LRRC71: variants seen among roughly 807,000 people sequenced by gnomAD.
LRRC71 encodes the protein leucine-rich repeat-containing protein 71.
Under a neutral mutation model 66.6 loss-of-function variants are expected in LRRC71, and 54 were observed. The observed-to-expected ratio is 0.81, with a 90% confidence interval of 0.65 to 1.02. The LOEUF is 1.02. LRRC71 is among the 50% of genes least tolerant of loss of function. The probability of loss-of-function intolerance (pLI) is 0.00; values close to 1 mark genes in which losing one functional copy is unlikely to be tolerated. For synonymous variants in LRRC71, 323 were observed against 303.9 expected, an observed-to-expected ratio of 1.06 and a Z score of -0.65; for missense variants, 724 against 718.0, an observed-to-expected ratio of 1.01 and a Z score of -0.10.
chr1:156,924,613 C>T, intron 3 of LRRC71, 30 bp from the exon 4 acceptor site: 1 of 1,482,218 alleles, frequency 6.7e-7, no homozygotes, highest in Non-Finnish European at 9.1e-7. Context: ...CCTCCCAGGT[C>T]TGAGGCACCT....
At chr1:156,932,297 A>G in intron 13 of LRRC71, 127 bp from the exon 14 acceptor site, 1 of 752,590 alleles carries the variant, frequency 1.3e-6, no homozygotes, top group Non-Finnish European at 2.3e-6. Context: ...GGTCAGGGAA[A>G]GGTGTGCCTG....
chr1:156,931,275 C>T (rs1181725465), intron 12 of LRRC71, among the ~76,000 whole-genome samples: 2 of 152,178 alleles, frequency 1.3e-5, no homozygotes, highest in Non-Finnish European at 2.9e-5. Flanking sequence ...TCCCTGCACA[C>T]CCTAGGCAGG....
downstream of LRRC71, among the ~76,000 whole-genome samples, chr1:156,934,378 G>T (rs1557799984): frequency 6.6e-6 from 1 of 152,280 alleles, no homozygotes; most frequent in East Asian, 1.9e-4. Context: ...TCTGTGGGAG[G>T]ATGTGGATGG....
downstream of LRRC71, chr1:156,937,004 T>C (rs762165960): frequency 1.2e-6 from 2 of 1,611,846 alleles, no homozygotes; most frequent in Non-Finnish European, 1.7e-6. Flanking sequence ...CAGCTCCATA[T>C]CCTGGAAGAG....
In LRRC71 at chr1:156,927,816, G is replaced by A. The variant is rs771229529; in HGVS notation, c.906G>A (p.Glu302=). ...ACAAGGGCGCCCTGAAGCTGGCTGA[G>A]GTGGGTGTGCCGATCAGGTGGGGCA... ...IQDKGALKLA[E]VLRAFELTHT... Residue 302 remains glutamate, a splice_region_variant and synonymous_variant, in exon 8 of 15, where the codon GAG becomes GAA. Coordinates refer to ENST00000337428, the MANE Select transcript of LRRC71 (RefSeq NM_144702.3). 18 of 1,613,438 alleles carry A rather than the reference G, an allele frequency of 1.1e-5. No individual in the cohort carries two copies. In the African/African-American group the frequency reaches 1.6e-4, roughly 14 times the overall value.
At position 156,932,872 on chromosome 1, in the gene LRRC71, A is replaced by T. The variant is rs1319461057; in HGVS notation, c.1583A>T (p.Gln528Leu). Reference protein sequence around the residue: ...LSLAKNCFAPQCPAYAIIQEL... With the variant: ...LSLAKNCFAPLCPAYAIIQEL... ...TTTCAGAAAAATTGCTTCGCCCCAC[A>T]ATGTCCTGCGTACGCCATAATCCAG... Residue 528 changes from glutamine to leucine, a missense_variant, in exon 15 of 15, where the codon CAA (glutamine) becomes CTA (leucine). Physicochemically the swap from Gln to Leu is moderately radical, Grantham distance 113. Transcript: ENST00000337428. 1 of 1,609,172 alleles carries T rather than the reference A, an allele frequency of 6.2e-7. No individual in the cohort carries two copies. Among genetic ancestry groups the T allele is most frequent in the South Asian group, 1.1e-5 (1 of 89,792 alleles).
chr1:156,940,138 C>T, the LRRC71 span: 21 of 1,493,528 alleles, frequency 1.4e-5, no homozygotes, highest in Admixed American at 2.4e-4. Flanking sequence ...AGGGTGCAGG[C>T]GCCTGCCAGT....
At chr1:156,930,873 G>C (rs974692843) in intron 12 of LRRC71, among the ~76,000 whole-genome samples, 8 of 152,194 alleles carry the variant, frequency 5.3e-5, no homozygotes, top group Admixed American at 5.2e-4. Context: ...CCCACACTTT[G>C]GATCTGCTGT....
At chr1:156,924,200 T>A in intron 2 of LRRC71, 102 bp downstream of exon 2, 2 of 1,357,372 alleles carry the variant, frequency 1.5e-6, no homozygotes, top group Non-Finnish European at 2.0e-6. Flanking sequence ...GGGCGGTGTG[T>A]GTGTGTGAGT....
downstream of LRRC71, among the ~76,000 whole-genome samples, chr1:156,933,850 C>T (rs1654694870): frequency 1.3e-5 from 2 of 152,176 alleles, no homozygotes; most frequent in Non-Finnish European, 2.9e-5. Flanking sequence ...CAACCTGTTC[C>T]ACATTCTCTA....
rs777715777 is a variant in LRRC71 at position 156,924,967 on chromosome 1, C to A, written c.545C>A (p.Thr182Asn). 21 of 1,551,560 alleles carry A rather than the reference C, an allele frequency of 1.4e-5. No individual in the cohort carries two copies. The African/African-American group carries it at 2.3e-4, about 17-fold the overall frequency. Reference sequence around the variant, plus strand: ...TGGAAGGTGGGGCTGACCGATAAGACCCTGACCACCTTCATCGAGCTCCTG... The same window carrying A: ...TGGAAGGTGGGGCTGACCGATAAGAACCTGACCACCTTCATCGAGCTCCTG... ...NLWKVGLTDK[T>N]LTTFIELLPL... Residue 182 changes from threonine to asparagine, a missense_variant, in exon 5 of 15, where the codon ACC becomes AAC. Thr to Asn is a moderately conservative substitution (Grantham distance 65). Coordinates refer to ENST00000337428, the MANE Select transcript of LRRC71 (RefSeq NM_144702.3).
rs71080802 is a variant in LRRC71, at chr1:156,928,363, CTCTTCTTCTTCTTCT to C, written c.996+389_996+403del. 7.3e-3 allele frequency among the ~76,000 whole-genome samples: 720 copies of C among 98,800 alleles called. 11 individuals are homozygous for C. Among genetic ancestry groups the C allele is most frequent in the African/African-American group, 0.032 (602 of 18,756 alleles). The allele number at this position is 98,800 out of a possible 152,430, so 64.8% of individuals were successfully genotyped here. A position where few individuals can be genotyped will look rare whatever the true frequency, so the allele number is the denominator to read the frequency against. On this transcript the variant is annotated intron_variant, in intron 9 of 14. Transcript: ENST00000337428. ...TTCTTCTTTCTTTCTCTTCTTCTTCCTCTTCTTCTTCTTCTTCTTCTTCTTCTTCTTCTTCTTCTT... is the reference window on the plus strand; with the variant it reads ...TTCTTCTTTCTTTCTCTTCTTCTTCCTCTTCTTCTTCTTCTTCTTCTTCTT...
Position 156,927,224 on chromosome 1 carries a change from C to A in LRRC71, c.616C>A (p.Pro206Thr), listed in dbSNP as rs746220287. Reference protein sequence around the residue: ...TLRKVSLEGNPLPEQSYHKLM... With the variant: ...TLRKVSLEGNTLPEQSYHKLM... ...CAGGAAGGTGTCTCTGGAGGGGAAC[C>A]CACTGCCGGAGCAGTCCTATCACAA... The change falls in exon 6 of 15, where the codon CCA becomes ACA. Residue 206 changes from proline (P) to threonine (T), a missense_variant. Pro to Thr is a conservative substitution (Grantham distance 38). Coordinates refer to ENST00000337428, the MANE Select transcript of LRRC71 (RefSeq NM_144702.3). 1 of 1,613,494 alleles carries A rather than the reference C, an allele frequency of 6.2e-7. No homozygotes were observed. Among genetic ancestry groups the A allele is most frequent in the East Asian group, 2.2e-5 (1 of 44,868 alleles).
intron 14 of LRRC71, 123 bp from the exon 15 acceptor site, chr1:156,932,730 C>G: frequency 6.6e-7 from 1 of 1,508,290 alleles, no homozygotes; most frequent in East Asian, 2.3e-5. Context: ...GTATTAATCA[C>G]TCTGCTTTTT....
At chr1:156,938,478 G>T in the LRRC71 span, 1 of 1,613,742 alleles carries the variant, frequency 6.2e-7, no homozygotes, top group Non-Finnish European at 8.5e-7. Flanking sequence ...CCACTCTCTG[G>T]TAGTGCAGGG....
At chr1:156,927,133 C>A in intron 5 of LRRC71, 69 bp from the exon 6 acceptor site, 2 of 1,394,006 alleles carry the variant, frequency 1.4e-6, no homozygotes, top group East Asian at 2.5e-5. Flanking sequence ...ACGCACACTT[C>A]CTCTCTGTTC....
chr1:156,933,016 C>T lies in LRRC71; in HGVS notation c.*47C>T. 2 of 1,417,456 alleles carry T rather than the reference C, an allele frequency of 1.4e-6. No individual in the cohort carries two copies. Among genetic ancestry groups the T allele is most frequent in the South Asian group, 2.5e-5 (2 of 80,408 alleles). 87.8% of individuals were successfully genotyped at this position (1,417,456 alleles called of 1,614,324 possible). A position where few individuals can be genotyped will look rare whatever the true frequency, so the allele number is the denominator to read the frequency against. ...CTAAGACTCGGGGCTACAGAAGCACCTCCTGTCCCTGTGTGGGGTGACCTC... is the reference window on the plus strand; with the variant it reads ...CTAAGACTCGGGGCTACAGAAGCACTTCCTGTCCCTGTGTGGGGTGACCTC... On this transcript the variant is annotated 3_prime_UTR_variant, in exon 15 of 15. Transcript: ENST00000337428.
downstream of LRRC71, chr1:156,936,945 T>C: frequency 6.2e-7 from 1 of 1,614,080 alleles, no homozygotes; most frequent in African/African-American, 1.3e-5. Flanking sequence ...ACAGGCGTGG[T>C]GCCACCAGAT....
rs1052972973 is a variant in LRRC71 at position 156,924,518 on chromosome 1, G to C, written c.405G>C (p.Glu135Asp). ...RPTIQVELEQ[E>D]DSKSVKEIYI... ...CCATCCAGGTGGAGCTGGAGCAGGAGGACAGCAAGTCAGTGAAGGAAATCT... is the reference window on the plus strand; with the variant it reads ...CCATCCAGGTGGAGCTGGAGCAGGACGACAGCAAGTCAGTGAAGGAAATCT... Residue 135 changes from glutamate to aspartate, a missense_variant, in exon 3 of 15, where the codon GAG becomes GAC. Physicochemically the swap from Glu to Asp is conservative, Grantham distance 45. Coordinates refer to ENST00000337428, the MANE Select transcript of LRRC71 (RefSeq NM_144702.3). 3.2e-6 allele frequency: 5 copies of C among 1,551,398 alleles called. No individual in the cohort carries two copies. In the African/African-American group the frequency reaches 6.8e-5, roughly 21 times the overall value.
Sources: allele counts gnomAD v4.1 joint callset (sites outside exome capture counted in the v4.1 genomes callset), GRCh38; gene constraint gnomAD v4.1.1; transcripts MANE v1.5; gene names NCBI Gene and HGNC (gene_info 2026-07-23, HGNC 2026-07-21).